Variants in SGCZ observed in about 807,000 individuals in gnomAD.
SGCZ encodes the protein zeta-sarcoglycan.
Under a neutral mutation model 41.3 loss-of-function variants are expected in SGCZ, and 40 were observed. The ratio of observed to expected loss-of-function variants is 0.97; its 90% CI spans 0.75 to 1.26. The LOEUF (loss-of-function observed/expected upper bound fraction) is 1.26. Ranked by LOEUF, SGCZ falls within the 50% of genes most tolerant of loss-of-function variation. The pLI is 0.00. For synonymous variants in SGCZ, 206 were observed against 137.5 expected, an observed-to-expected ratio of 1.50 and a Z score of -3.49; for missense variants, 552 against 369.8, an observed-to-expected ratio of 1.49 and a Z score of -4.04.
chr8:14,534,501 G>C (rs1426142818), intron 2 of SGCZ, among the ~76,000 whole-genome samples: 1 of 151,874 alleles, frequency 6.6e-6, no homozygotes, highest in Non-Finnish European at 1.5e-5. Flanking sequence ...AATATTTGTT[G>C]ATCATCTAAT....
intron 1 of SGCZ, among the ~76,000 whole-genome samples, chr8:14,582,556 A>G (rs576408054): frequency 6.6e-6 from 1 of 151,644 alleles, no homozygotes; most frequent in African/African-American, 2.4e-5. Context: ...CATGTGCACA[A>G]TGTGCAGGTT....
intron 2 of SGCZ, among the ~76,000 whole-genome samples, chr8:14,345,707 A>G (rs1374682595): frequency 6.6e-6 from 1 of 152,010 alleles, no homozygotes; most frequent in South Asian, 2.1e-4. Flanking sequence ...AAAAGGTTCA[A>G]CTCTAGCCTG....
chr8:14,388,203 G>C (rs1405821277), intron 2 of SGCZ, among the ~76,000 whole-genome samples: 1 of 151,896 alleles, frequency 6.6e-6, no homozygotes, highest in Non-Finnish European at 1.5e-5. Flanking sequence ...ACGAAAAAAA[G>C]TTAAAAAAAT....
At chr8:14,491,657 T>C (rs1251980497) in intron 2 of SGCZ, among the ~76,000 whole-genome samples, 2 of 152,188 alleles carry the variant, frequency 1.3e-5, no homozygotes, top group African/African-American at 4.8e-5. Flanking sequence ...TTTATGTTAC[T>C]GGGAGTAAGA....
intron 4 of SGCZ, among the ~76,000 whole-genome samples, chr8:14,208,348 G>A (rs1325838897): frequency 3.3e-5 from 5 of 152,136 alleles, no homozygotes; most frequent in African/African-American, 4.8e-5. Context: ...ATCTGACACC[G>A]TAAGACATTC....
intron 3 of SGCZ, among the ~76,000 whole-genome samples, chr8:14,271,022 G>A (rs1423112538): frequency 6.6e-6 from 1 of 152,072 alleles, no homozygotes; most frequent in African/African-American, 2.4e-5. Flanking sequence ...ACAGGAAGGG[G>A]AACATCACAC....
intron 7 of SGCZ, among the ~76,000 whole-genome samples, chr8:14,099,456 G>A (rs1035512705): frequency 6.6e-6 from 1 of 152,204 alleles, no homozygotes; most frequent in African/African-American, 2.4e-5. Context: ...GTCAGGTGCG[G>A]TGGCTCACGC....
intron 5 of SGCZ, chr8:14,162,539 CA>C (rs1804077469): frequency 6.6e-6 from 1 of 152,220 alleles, no homozygotes; most frequent in Admixed American, 6.5e-5. Context: ...CTATGACAAA[CA>C]GAACTCTCTT....
chr8:14,113,490 G>C (rs138072121), intron 5 of SGCZ, among the ~76,000 whole-genome samples: 6 of 152,098 alleles, frequency 3.9e-5, no homozygotes, highest in Non-Finnish European at 7.4e-5. Context: ...ATGGATGGGA[G>C]GTAATTAATA....
intron 1 of SGCZ, among the ~76,000 whole-genome samples, chr8:15,192,112 C>A (rs1195270320): frequency 6.6e-6 from 1 of 152,084 alleles, no homozygotes; most frequent in Non-Finnish European, 1.5e-5. Context: ...ACCCCTCCCC[C>A]AGTAATGGGA....
At chr8:14,108,963 G>C (rs1474510391) in intron 5 of SGCZ, among the ~76,000 whole-genome samples, 1 of 152,138 alleles carries the variant, frequency 6.6e-6, no homozygotes, top group Non-Finnish European at 1.5e-5. Context: ...AATAATAGCA[G>C]GTCATGAATG....
chr8:14,727,317 A>G (rs1224943983), intron 1 of SGCZ, among the ~76,000 whole-genome samples: 1 of 152,152 alleles, frequency 6.6e-6, no homozygotes, highest in Non-Finnish European at 1.5e-5. Flanking sequence ...AAGTTTAGAC[A>G]GTTTCACCGT....
intron 4 of SGCZ, among the ~76,000 whole-genome samples, chr8:14,196,054 G>C (rs1447651393): frequency 6.6e-6 from 1 of 152,010 alleles, no homozygotes; most frequent in Non-Finnish European, 1.5e-5. Flanking sequence ...ATAATGTTTT[G>C]TGGCTACTGT....
chr8:14,949,136 A>C (rs1178424530), intron 1 of SGCZ, among the ~76,000 whole-genome samples: 3 of 152,150 alleles, frequency 2.0e-5, no homozygotes, highest in African/African-American at 7.2e-5. Context: ...AATTAGCCTG[A>C]AAAGATAATT....
At chr8:15,031,066 C>T (rs988705164) in intron 1 of SGCZ, among the ~76,000 whole-genome samples, 2 of 149,578 alleles carry the variant, frequency 1.3e-5, no homozygotes, top group African/African-American at 4.9e-5. Flanking sequence ...TCATATTTCG[C>T]GTGTGTGTGT....
chr8:14,171,981 G>A lies in SGCZ; in HGVS notation c.425-7279C>T, dbSNP rs564741043. Among the ~76,000 whole-genome samples, 373 of 152,090 alleles carry A rather than the reference G, an allele frequency of 2.5e-3. 3 individuals are homozygous for A. The highest frequency in any genetic ancestry group is 4.2e-3 in the Admixed American group (64 of 15,252). ...TCATTACAATATCTTAGGCAACTGC[G>A]TTACTATTTTTTTTATAGCTAGTGT... On this transcript the variant is annotated intron_variant, in intron 4 of 7. Transcript: ENST00000382080.
At chr8:14,673,143 T>C (rs1376297297) in intron 1 of SGCZ, among the ~76,000 whole-genome samples, 8 of 152,198 alleles carry the variant, frequency 5.3e-5, no homozygotes, top group Admixed American at 5.2e-4. Flanking sequence ...CTATACAACA[T>C]AGTGAGTGTT....
chr8:14,213,685 T>C (rs761669250), intron 4 of SGCZ, among the ~76,000 whole-genome samples: 1 of 152,100 alleles, frequency 6.6e-6, no homozygotes, highest in African/African-American at 2.4e-5. Flanking sequence ...TTTTAAATCA[T>C]ATCTGTCAGT....
chr8:14,387,099 C>G (rs539171764), intron 2 of SGCZ, among the ~76,000 whole-genome samples: 10 of 152,286 alleles, frequency 6.6e-5, no homozygotes, highest in African/African-American at 1.9e-4. Context: ...GGGTCTCACT[C>G]TTTGGCTCAG....
Sources: gnomAD v4.1 joint callset for allele counts (sites outside exome capture counted in the v4.1 genomes callset) on GRCh38, gnomAD v4.1.1 for gene constraint, MANE v1.5 for transcripts, NCBI Gene and HGNC (gene_info 2026-07-23, HGNC 2026-07-21) for gene names.